LARP1: variants seen among roughly 807,000 people sequenced by gnomAD.
LARP1 encodes La ribonucleoprotein 1, translational regulator, also known as la-related protein 1.
Under a neutral mutation model 122.7 loss-of-function variants are expected in LARP1, and 36 were observed. The observed-to-expected ratio is 0.29, with a 90% CI of 0.22 to 0.39. LARP1 has a LOEUF of 0.39. LARP1 is among the 10% of genes least tolerant of loss of function. The pLI is 1.00. For synonymous variants in LARP1, 539 were observed against 528.7 expected (o/e 1.02, Z -0.27); for missense variants, 1,040 against 1,403.6 (o/e 0.74, Z 4.14).
intron 1 of LARP1, among the ~76,000 whole-genome samples, chr5:154,781,448 C>T (rs1244958942): frequency 6.6e-6 from 1 of 151,918 alleles, no homozygotes; most frequent in East Asian, 1.9e-4. Flanking sequence ...AAAAAATTAG[C>T]TGGGCATGGT....
At chr5:154,767,390 C>T (rs1277035550) in intron 1 of LARP1, among the ~76,000 whole-genome samples, 1 of 152,182 alleles carries the variant, frequency 6.6e-6, no homozygotes, top group East Asian at 1.9e-4. Context: ...CTATAGCTGG[C>T]CTTCCTCTGT....
At chr5:154,695,845 C>G (rs1276208171) in intron 1 of LARP1, among the ~76,000 whole-genome samples, 1 of 152,036 alleles carries the variant, frequency 6.6e-6, no homozygotes, top group African/African-American at 2.4e-5. Flanking sequence ...TGCACTCCAG[C>G]CTGGGCGACA....
At position 154,766,126 on chromosome 5, in the gene LARP1, A is replaced by G. The variant is rs192810931; in HGVS notation, c.436+9933A>G. ...TGGTTGAGGAAAGGCCCTGGTGTTC[A>G]GGGAACTGAGTTCCTTGTGGTTTTA... is the stretch of plus-strand genomic sequence containing the variant. On this transcript the variant is annotated intron_variant, in intron 1 of 18. Transcript: ENST00000518297. Among the ~76,000 whole-genome samples, 274 of 152,356 alleles carry G rather than the reference A, an allele frequency of 1.8e-3. 4 individuals carry two copies. In the East Asian group the frequency reaches 0.024, roughly 13 times the overall value.
At chr5:154,779,788 A>G (rs1300740432) in intron 1 of LARP1, among the ~76,000 whole-genome samples, 1 of 151,892 alleles carries the variant, frequency 6.6e-6, no homozygotes, top group Non-Finnish European at 1.5e-5. Flanking sequence ...GATTACAGGC[A>G]TGAGCCACTG....
At chr5:154,746,589 T>C (rs1341678540) in intron 1 of LARP1, among the ~76,000 whole-genome samples, 1 of 152,238 alleles carries the variant, frequency 6.6e-6, no homozygotes, top group Non-Finnish European at 1.5e-5. Context: ...CCTGGCACCC[T>C]GGAGCAAGTC....
At chr5:154,754,044 T>A (rs1753648855), upstream of LARP1, among the ~76,000 whole-genome samples, 1 of 152,222 alleles carries the variant, frequency 6.6e-6, no homozygotes, top group Non-Finnish European at 1.5e-5. Flanking sequence ...CACGCAGATT[T>A]CTGGGTCCAG....
intron 1 of LARP1, among the ~76,000 whole-genome samples, chr5:154,785,078 C>T (rs1002932725): frequency 6.6e-6 from 1 of 152,216 alleles, no homozygotes; most frequent in African/African-American, 2.4e-5. Context: ...TCAAAGCACC[C>T]CTGGGGGACC....
Position 154,808,513 on chromosome 5 carries a change from T to A in LARP1, c.2753T>A (p.Phe918Tyr). Residue 918 changes from phenylalanine to tyrosine, a missense_variant, in exon 16 of 19, where the codon TTC becomes TAC. Phe to Tyr is a conservative substitution (Grantham distance 22). Coordinates refer to ENST00000518297, the MANE Select transcript of LARP1 (RefSeq NM_033551.3). ...QSQEMNTLFR[F>Y]WSFFLRDHFN... ...CAGGAGATGAACACACTCTTCCGCT[T>A]CTGGTCCTTCTTCCTCCGAGATCAC... 1 of 1,614,004 alleles carries A rather than the reference T, an allele frequency of 6.2e-7. No homozygotes were observed. Among genetic ancestry groups the A allele is most frequent in the Non-Finnish European group, 8.5e-7 (1 of 1,180,014 alleles).
intron 1 of LARP1, among the ~76,000 whole-genome samples, chr5:154,686,270 G>A (rs1753937100): frequency 6.6e-6 from 1 of 152,222 alleles, no homozygotes; most frequent in Admixed American, 6.5e-5. Flanking sequence ...CAGCCCCAGT[G>A]AGGGAGATGT....
At chr5:154,735,082 A>G (rs563432219) in intron 1 of LARP1, among the ~76,000 whole-genome samples, 1 of 152,260 alleles carries the variant, frequency 6.6e-6, no homozygotes, top group African/African-American at 2.4e-5. Context: ...ATCCATCAAT[A>G]GACATTTGGG....
chr5:154,806,823 C>T (rs1358311539), intron 15 of LARP1, among the ~76,000 whole-genome samples: 1 of 152,214 alleles, frequency 6.6e-6, no homozygotes, highest in Non-Finnish European at 1.5e-5. Flanking sequence ...ATATAATCTA[C>T]ATATGATGGA....
chr5:154,726,103 G>A (rs184108811), intron 1 of LARP1, among the ~76,000 whole-genome samples: 5 of 152,292 alleles, frequency 3.3e-5, no homozygotes, highest in Admixed American at 2.6e-4. Flanking sequence ...GCCTTCCACA[G>A]TGCTGGGATT....
At chr5:154,800,309 T>TC (rs1758239629) in intron 10 of LARP1, among the ~76,000 whole-genome samples, 2 of 152,232 alleles carry the variant, frequency 1.3e-5, no homozygotes, top group Non-Finnish European at 2.9e-5. Context: ...ATGCAGCATC[T>TC]GGCAGCGATG....
At chr5:154,786,729 TGA>T (rs1334194113) in intron 1 of LARP1, 1 of 244,462 alleles carries the variant, frequency 4.1e-6, no homozygotes, top group African/African-American at 2.3e-5. Context: ...GGTGAGCTGT[TGA>T]GGAGCTCTGG....
At chr5:154,804,164 G>A (rs1561627828) in intron 13 of LARP1, 37 bp from the exon 14 acceptor site, 12 of 1,502,996 alleles carry the variant, frequency 8.0e-6, no homozygotes, top group Non-Finnish European at 1.1e-5. Context: ...AGTTGTAGGA[G>A]TACAAACAGT....
chr5:154,716,109 T>G (rs767777776), intron 1 of LARP1, among the ~76,000 whole-genome samples: 5 of 152,000 alleles, frequency 3.3e-5, no homozygotes, highest in Non-Finnish European at 7.4e-5. Context: ...GCCTACACAG[T>G]GGTGTTTTAC....
At chr5:154,729,320 G>T in intron 1 of LARP1, 1 of 199,624 alleles carries the variant, frequency 5.0e-6, no homozygotes, top group Admixed American at 5.4e-5. Flanking sequence ...CCACATACAT[G>T]CAAAGCTGTA....
At chr5:154,696,899 C>A (rs1196186118) in intron 1 of LARP1, among the ~76,000 whole-genome samples, 1 of 152,084 alleles carries the variant, frequency 6.6e-6, no homozygotes, top group Non-Finnish European at 1.5e-5. Flanking sequence ...GGGGAATGCA[C>A]AATTTTCATG....
intron 1 of LARP1, among the ~76,000 whole-genome samples, chr5:154,702,383 C>G (rs1754759128): frequency 6.6e-6 from 1 of 151,914 alleles, no homozygotes; most frequent in South Asian, 2.1e-4. Flanking sequence ...TGGTGAAACC[C>G]CATCTCTACT....
Sources: allele counts gnomAD v4.1 joint callset (sites outside exome capture counted in the v4.1 genomes callset), GRCh38; gene constraint gnomAD v4.1.1; transcripts MANE v1.5; gene names NCBI Gene and HGNC (gene_info 2026-07-23, HGNC 2026-07-21).